Variants in EBF1 observed in about 807,000 individuals in gnomAD.
EBF1 encodes transcription factor COE1.
EBF1 carries 10 observed loss-of-function variants against 68.4 expected under a neutral mutation model. The ratio of observed to expected loss-of-function variants is 0.15; its 90% CI spans 0.09 to 0.25. The LOEUF is 0.25. Among genes scored for constraint, EBF1 ranks in the 10% least tolerant of loss-of-function variants. The probability of loss-of-function intolerance (pLI) is 1.00; values close to 1 mark genes in which losing one functional copy is unlikely to be tolerated. For synonymous variants in EBF1, 298 were observed against 299.8 expected, an observed-to-expected ratio of 0.99 and a Z score of 0.06; for missense variants, 509 against 794.4, an observed-to-expected ratio of 0.64 and a Z score of 4.32.
intron 9 of EBF1, among the ~76,000 whole-genome samples, chr5:158,784,375 G>A (rs1233109233): frequency 6.6e-6 from 1 of 152,126 alleles, no homozygotes; most frequent in East Asian, 1.9e-4. Flanking sequence ...TCTGACCTCT[G>A]CCTTTGAAAG....
At chr5:158,989,253 T>C (rs954334933) in intron 6 of EBF1, among the ~76,000 whole-genome samples, 1 of 152,192 alleles carries the variant, frequency 6.6e-6, no homozygotes, top group African/African-American at 2.4e-5. Context: ...AAGAAGGGCT[T>C]TCTGCAAAGC....
At chr5:158,918,724 A>C (rs1039040304) in intron 6 of EBF1, among the ~76,000 whole-genome samples, 21 of 152,178 alleles carry the variant, frequency 1.4e-4, no homozygotes, top group Non-Finnish European at 1.2e-4. Flanking sequence ...TCATCTCTGG[A>C]GAGAATGGAC....
intron 10 of EBF1, among the ~76,000 whole-genome samples, chr5:158,733,338 T>TA (rs1764503447): frequency 6.6e-6 from 1 of 152,222 alleles, no homozygotes; most frequent in African/African-American, 2.4e-5. Flanking sequence ...AAGATACCAG[T>TA]AAAATTTGAA....
At chr5:158,771,050 C>T (rs190034873) in intron 10 of EBF1, among the ~76,000 whole-genome samples, 58 of 152,178 alleles carry the variant, frequency 3.8e-4, no homozygotes, top group African/African-American at 1.3e-3. Context: ...AATGAAGTAA[C>T]AAAAGGAAGT....
intron 11 of EBF1, among the ~76,000 whole-genome samples, chr5:158,724,780 T>G (rs1762648441): frequency 6.6e-6 from 1 of 152,212 alleles, no homozygotes; most frequent in African/African-American, 2.4e-5. Context: ...AATGGCTGAT[T>G]TACTAAATTA....
At chr5:158,728,083 A>G (rs1431056728) in intron 11 of EBF1, among the ~76,000 whole-genome samples, 1 of 152,148 alleles carries the variant, frequency 6.6e-6, no homozygotes, top group Non-Finnish European at 1.5e-5. Flanking sequence ...TTATCTCCCT[A>G]ACAATGGACA....
intron 6 of EBF1, among the ~76,000 whole-genome samples, chr5:158,934,723 C>G (rs1811608978): frequency 6.6e-6 from 1 of 152,152 alleles, no homozygotes; most frequent in Non-Finnish European, 1.5e-5. Flanking sequence ...CTTCAATGTC[C>G]TTAGTAGGTT....
intron 9 of EBF1, among the ~76,000 whole-genome samples, chr5:158,791,093 G>C (rs1237241805): frequency 6.6e-6 from 1 of 152,060 alleles, no homozygotes; most frequent in Non-Finnish European, 1.5e-5. Flanking sequence ...GGCTGAGGCG[G>C]GCAGATCACG....
At chr5:159,076,818 A>T (rs1778860221) in intron 5 of EBF1, among the ~76,000 whole-genome samples, 1 of 152,218 alleles carries the variant, frequency 6.6e-6, no homozygotes, top group Non-Finnish European at 1.5e-5. Context: ...ATACACACAC[A>T]CATACATATG....
At chr5:158,850,181 C>T (rs1307907866) in intron 6 of EBF1, among the ~76,000 whole-genome samples, 1 of 152,208 alleles carries the variant, frequency 6.6e-6, no homozygotes, top group Non-Finnish European at 1.5e-5. Context: ...GGCCATATAA[C>T]TAAAGTCTGT....
At chr5:158,967,210 G>A (rs1477475576) in intron 6 of EBF1, among the ~76,000 whole-genome samples, 1 of 152,218 alleles carries the variant, frequency 6.6e-6, no homozygotes, top group Non-Finnish European at 1.5e-5. Context: ...ACATGCAGTA[G>A]TGCAGGAGAG....
At chr5:159,027,274 C>T (rs1767886780) in intron 6 of EBF1, among the ~76,000 whole-genome samples, 1 of 152,126 alleles carries the variant, frequency 6.6e-6, no homozygotes, top group Non-Finnish European at 1.5e-5. Flanking sequence ...CTAAATTCCT[C>T]CTCCTATTAA....
intron 10 of EBF1, among the ~76,000 whole-genome samples, chr5:158,755,290 CT>C (rs2127599722): frequency 6.6e-6 from 1 of 152,188 alleles, no homozygotes; most frequent in East Asian, 1.9e-4. Flanking sequence ...CCTGAGCCCC[CT>C]GGCCATATCC....
Position 159,002,945 on chromosome 5 carries a change from G to A in EBF1, c.554+70451C>T, listed in dbSNP as rs191995118. 2.2e-3 allele frequency among the ~76,000 whole-genome samples: 330 copies of A among 152,266 alleles called. 2 individuals are homozygous for A. The highest frequency in any genetic ancestry group is 7.5e-3 in the African/African-American group (311 of 41,544). Reference sequence around the variant, plus strand: ...TGATTAAAATCGGTGCACATCAAAAGGAAGTTTTGTGAAAATAATCAAAAC... The same window carrying A: ...TGATTAAAATCGGTGCACATCAAAAAGAAGTTTTGTGAAAATAATCAAAAC... On this transcript the variant is annotated intron_variant, in intron 6 of 15. Transcript: ENST00000313708.
At chr5:158,986,551 A>G (rs66534318) in intron 6 of EBF1, 39,386 of 152,208 alleles carry the variant, frequency 0.26, 5,721 homozygotes, top group South Asian at 0.51. Context: ...AAAAGCAGCC[A>G]GATATATGGA....
chr5:159,026,279 CT>C (rs1465743717), intron 6 of EBF1, among the ~76,000 whole-genome samples: 3 of 151,728 alleles, frequency 2.0e-5, no homozygotes, highest in Non-Finnish European at 4.4e-5. Flanking sequence ...TTAATGAAGA[CT>C]GTTTTTTTTT....
chr5:158,922,944 T>C (rs1306844943), intron 6 of EBF1, among the ~76,000 whole-genome samples: 1 of 152,232 alleles, frequency 6.6e-6, no homozygotes, highest in Non-Finnish European at 1.5e-5. Context: ...AAGTGGCCAC[T>C]TGTATCTGCA....
intron 6 of EBF1, among the ~76,000 whole-genome samples, chr5:158,975,041 C>T (rs1756452557): frequency 6.6e-6 from 1 of 152,148 alleles, no homozygotes; most frequent in African/African-American, 2.4e-5. Flanking sequence ...TTCAAAGACC[C>T]CATCAGCTCT....
chr5:159,096,162 G>C (rs144053608), intron 3 of EBF1, 181 bp downstream of exon 3: 119 of 640,248 alleles, frequency 1.9e-4, no homozygotes, highest in Middle Eastern at 4.2e-4. Flanking sequence ...TAAGGCTCTT[G>C]GGCCACTAGG....
Sources: gnomAD v4.1 joint callset for allele counts (sites outside exome capture counted in the v4.1 genomes callset) on GRCh38, gnomAD v4.1.1 for gene constraint, MANE v1.5 for transcripts, NCBI Gene and HGNC (gene_info 2026-07-23, HGNC 2026-07-21) for gene names.